The following GBE1 variants were observed in gnomAD, a reference collection of about 807,000 sequenced individuals.
GBE1 encodes 1,4-alpha-glucan-branching enzyme.
GBE1 carries 70 observed loss-of-function variants against 88.8 expected under a neutral mutation model. The ratio of observed to expected loss-of-function variants is 0.79; its 90% confidence interval spans 0.65 to 0.96. The LOEUF is 0.96. GBE1 is among the 40% of genes least tolerant of loss of function. The pLI, the probability that GBE1 is intolerant of heterozygous loss-of-function variation, is 0.00. For missense variants in GBE1, 872 were observed against 871.0 expected (o/e 1.00, Z -0.01); for synonymous variants, 284 against 300.1 (o/e 0.95, Z 0.56).
chr3:81,609,534 T>C (rs886108832), intron 7 of GBE1, among the ~76,000 whole-genome samples: 5 of 152,194 alleles, frequency 3.3e-5, no homozygotes, highest in African/African-American at 9.6e-5. Flanking sequence ...TATTTTCTAA[T>C]GTTTGCTCCC....
intron 7 of GBE1, among the ~76,000 whole-genome samples, chr3:81,635,990 A>G (rs947037852): frequency 6.6e-6 from 1 of 152,200 alleles, no homozygotes; most frequent in African/African-American, 2.4e-5. Flanking sequence ...CTTGTGGGGA[A>G]TAAACGAGGC....
chr3:81,614,607 C>T (rs1035652516), intron 7 of GBE1, among the ~76,000 whole-genome samples: 5 of 152,132 alleles, frequency 3.3e-5, no homozygotes, highest in African/African-American at 1.2e-4. Flanking sequence ...TGCCTATAAT[C>T]CCAGCACTTT....
chr3:81,500,014 C>A (rs115296777), intron 14 of GBE1, among the ~76,000 whole-genome samples: 1,554 of 152,206 alleles, frequency 0.01, 23 homozygotes, highest in African/African-American at 0.036. Context: ...GAAAATATAT[C>A]ATTAATCTCA....
At chr3:81,668,668 T>C (rs1705147663) in intron 3 of GBE1, among the ~76,000 whole-genome samples, 1 of 152,194 alleles carries the variant, frequency 6.6e-6, no homozygotes, top group Non-Finnish European at 1.5e-5. Context: ...TAATGAGTGT[T>C]TAATAATATA....
At chr3:81,673,325 A>G (rs1705214880) in intron 2 of GBE1, among the ~76,000 whole-genome samples, 1 of 151,872 alleles carries the variant, frequency 6.6e-6, no homozygotes, top group Non-Finnish European at 1.5e-5. Context: ...CATTCATTAA[A>G]TATGTACTCC....
At position 81,570,378 on chromosome 3, in the gene GBE1, T is replaced by C. The variant is rs574229922; in HGVS notation, c.1618+7547A>G. 4.6e-5 allele frequency among the ~76,000 whole-genome samples: 7 copies of C among 152,324 alleles called. No homozygotes were observed. In the South Asian group the frequency reaches 1.4e-3, roughly 32 times the overall value. ...CTATTGGCTCTCAGGATATGATTGT[T>C]GTACTAAAATTACAGATGTTTCTCA... On this transcript the variant is annotated intron_variant, in intron 12 of 15. Coordinates refer to ENST00000429644, the MANE Select transcript of GBE1 (RefSeq NM_000158.4).
chr3:81,592,454 T>G (rs1703892864), intron 8 of GBE1, among the ~76,000 whole-genome samples: 1 of 152,120 alleles, frequency 6.6e-6, no homozygotes, highest in Non-Finnish European at 1.5e-5. Context: ...CATGACCTCC[T>G]GATAAATTTC....
intron 14 of GBE1, among the ~76,000 whole-genome samples, chr3:81,522,452 T>A (rs900674557): frequency 6.6e-6 from 1 of 151,440 alleles, no homozygotes; most frequent in Non-Finnish European, 1.5e-5. Context: ...GTGATTTCAG[T>A]CTCAGAGTTA....
At chr3:81,690,644 A>C (rs1042543592) in intron 2 of GBE1, among the ~76,000 whole-genome samples, 4 of 152,226 alleles carry the variant, frequency 2.6e-5, no homozygotes, top group African/African-American at 9.6e-5. Flanking sequence ...ACTCCAAGCC[A>C]TTCCATAACA....
At chr3:81,622,825 C>T (rs2107016248) in intron 7 of GBE1, among the ~76,000 whole-genome samples, 1 of 152,266 alleles carries the variant, frequency 6.6e-6, no homozygotes, top group African/African-American at 2.4e-5. Flanking sequence ...CAACCAATCA[C>T]TCAGCAAGTT....
At position 81,685,341 on chromosome 3, in the gene GBE1, GTTT is replaced by G. The variant is rs149413826; in HGVS notation, c.314-14391_314-14389del. Among the ~76,000 whole-genome samples, 622 of 152,026 alleles carry G rather than the reference GTTT, an allele frequency of 4.1e-3. 8 individuals carry two copies. The highest frequency in any genetic ancestry group is 0.014 in the Middle Eastern group (4 of 294). Reference sequence around the variant, plus strand: ...TTGTTGTTGTTGTTGTTGTTGTTTTGTTTTTGTTTGTTTTTCTCTTGTTCAAGG... The same window carrying G: ...TTGTTGTTGTTGTTGTTGTTGTTTTGTTGTTTGTTTTTCTCTTGTTCAAGG... On this transcript the variant is annotated intron_variant, in intron 2 of 15. Transcript: ENST00000429644.
Position 81,743,578 on chromosome 3 carries a change from G to A in GBE1, c.143+17797C>T, listed in dbSNP as rs1168007585. 14 of 1,534,982 alleles carry A rather than the reference G, an allele frequency of 9.1e-6. No homozygotes were observed. In the African/African-American group the frequency reaches 1.6e-4, roughly 18 times the overall value. On this transcript the variant is annotated intron_variant, in intron 1 of 15. Transcript: ENST00000429644. ...TCACCTCACTTTAGCAAGATTCATGGGACAACGAAGTTAGAAACAGCTGTT... is the reference window on the plus strand; with the variant it reads ...TCACCTCACTTTAGCAAGATTCATGAGACAACGAAGTTAGAAACAGCTGTT...
At chr3:81,561,522 C>A (rs1478812272) in intron 12 of GBE1, among the ~76,000 whole-genome samples, 7 of 152,004 alleles carry the variant, frequency 4.6e-5, no homozygotes, top group Admixed American at 3.3e-4. Flanking sequence ...TGATTTCAAA[C>A]TGCTCCAGAG....
At chr3:81,607,775 T>C (rs186181797) in intron 7 of GBE1, among the ~76,000 whole-genome samples, 57 of 152,316 alleles carry the variant, frequency 3.7e-4, no homozygotes, top group African/African-American at 1.3e-3. Context: ...CATTATGCAA[T>C]TGGTAACAAT....
chr3:81,677,021 C>T (rs1220683012), intron 2 of GBE1, among the ~76,000 whole-genome samples: 1 of 152,188 alleles, frequency 6.6e-6, no homozygotes, highest in African/African-American at 2.4e-5. Flanking sequence ...CTAATCCTCA[C>T]ATAAAATTCT....
At chr3:81,649,758 T>C (rs773871015) in intron 4 of GBE1, 38 bp downstream of exon 4, 1 of 1,542,504 alleles carries the variant, frequency 6.5e-7, no homozygotes, top group South Asian at 1.2e-5. Flanking sequence ...CCTAGAAATA[T>C]TGGAACAATA....
In GBE1 at chr3:81,670,830, G is replaced by C. The variant is rs1705178835; in HGVS notation, c.429+8C>G. ...AAGTTCAAGAAAAAATAGGAGGGAG[G>C]AAAGTACCTTTAATTTGGATCCATG... On this transcript the variant is annotated splice_region_variant and intron_variant, in intron 3 of 15. Coordinates refer to ENST00000429644, the MANE Select transcript of GBE1 (RefSeq NM_000158.4). The C allele has an allele frequency of 2.2e-5, 31 of 1,425,332 alleles. No homozygotes were observed. Among genetic ancestry groups the C allele is most frequent in the Non-Finnish European group, 2.8e-5 (30 of 1,056,276 alleles). The allele number at this position is 1,425,332 out of a possible 1,614,324, so 88.3% of individuals were successfully genotyped here. A position where few individuals can be genotyped will look rare whatever the true frequency, so the allele number is the denominator to read the frequency against.
chr3:81,677,990 G>A (rs1705286123), intron 2 of GBE1, among the ~76,000 whole-genome samples: 1 of 152,014 alleles, frequency 6.6e-6, no homozygotes, highest in South Asian at 2.1e-4. Flanking sequence ...TAGCTTTCTG[G>A]AAATTAGAAA....
At chr3:81,667,798 A>G (rs1258698029) in intron 3 of GBE1, among the ~76,000 whole-genome samples, 2 of 152,134 alleles carry the variant, frequency 1.3e-5, no homozygotes, top group East Asian at 1.9e-4. Flanking sequence ...GATGAAACTA[A>G]CTTGATCTTG....
Sources: allele counts gnomAD v4.1 joint callset (sites outside exome capture counted in the v4.1 genomes callset), GRCh38; gene constraint gnomAD v4.1.1; transcripts MANE v1.5; gene names NCBI Gene and HGNC (gene_info 2026-07-23, HGNC 2026-07-21).